The following MTHFD1 variants were observed in gnomAD, a reference collection of about 807,000 sequenced individuals.
The protein encoded by MTHFD1 is C-1-tetrahydrofolate synthase, cytoplasmic.
In MTHFD1, 44 loss-of-function variants were observed where a neutral mutation model predicts 110.3. The observed-to-expected ratio is 0.40, with a 90% CI of 0.31 to 0.51. The LOEUF (loss-of-function observed/expected upper bound fraction) is 0.51. Ranked by LOEUF, MTHFD1 falls within the 20% of genes least tolerant of loss-of-function variation. The pLI, the probability that MTHFD1 is intolerant of heterozygous loss-of-function variation, is 0.60. For missense variants in MTHFD1, 909 were observed against 1,173.1 expected (o/e 0.77, Z 3.29); for synonymous variants, 402 against 428.8 (o/e 0.94, Z 0.77).
intron 24 of MTHFD1, among the ~76,000 whole-genome samples, chr14:64,452,613 G>A (rs1411578930): frequency 3.6e-4 from 55 of 152,326 alleles, no homozygotes; most frequent in Non-Finnish European, 1.5e-5. Context: ...CACAGAAAGT[G>A]GACATGCCCA....
chr14:64,431,473 T>A (rs2078159694), intron 13 of MTHFD1, 59 bp from the exon 14 acceptor site: 2 of 1,429,816 alleles, frequency 1.4e-6, no homozygotes, highest in Non-Finnish European at 2.0e-6. Context: ...TGCAATAGAA[T>A]GAAAGTTGGA....
intron 15 of MTHFD1, among the ~76,000 whole-genome samples, chr14:64,433,911 C>T (rs1364856959): frequency 6.6e-6 from 1 of 151,750 alleles, no homozygotes; most frequent in African/African-American, 2.4e-5. Flanking sequence ...ACGCCTGTAG[C>T]CCCAGCTACT....
chr14:64,401,164 T>C (rs2077893356), intron 2 of MTHFD1, among the ~76,000 whole-genome samples: 1 of 152,066 alleles, frequency 6.6e-6, no homozygotes, highest in South Asian at 2.1e-4. Flanking sequence ...ATGTATTTAT[T>C]TATTTATTTA....
rs78635067 is a variant in MTHFD1, at chr14:64,395,098, A to G, written c.42-5695A>G. Among the ~76,000 whole-genome samples, 530 of 152,350 alleles carry G rather than the reference A, an allele frequency of 3.5e-3. 1 individual carries two copies. The Middle Eastern group carries it at 0.041, about 12-fold the overall frequency. Reference sequence around the variant, plus strand: ...GGCATCAACTCTCCTTTGTTGACATATAGTTAAGCACCGCTTCTTACAGAT... The same window carrying G: ...GGCATCAACTCTCCTTTGTTGACATGTAGTTAAGCACCGCTTCTTACAGAT... On this transcript the variant is annotated intron_variant, in intron 1 of 27. Transcript: ENST00000652337.
Position 64,427,392 on chromosome 14 carries a change from C to T in MTHFD1, c.1183C>T (p.Gln395Ter), listed in dbSNP as rs771688627. The change falls in exon 12 of 28, where the codon CAA (glutamine) becomes TAA (stop). Residue 395 changes from glutamine to a stop codon, truncating the protein, a stop_gained. Coordinates refer to ENST00000652337, the MANE Select transcript of MTHFD1 (RefSeq NM_005956.4). LOFTEE classifies it high-confidence loss of function. ...AAGCACAACTACAATCGGGCTAGTG[C>T]AAGCCCTTGGTGCCCATCTCTACCA... ...GKSTTTIGLV[Q>*]ALGAHLYQNV... 1 of 1,614,188 alleles carries T rather than the reference C, an allele frequency of 6.2e-7. No homozygotes were observed. Among genetic ancestry groups the T allele is most frequent in the Non-Finnish European group, 8.5e-7 (1 of 1,180,016 alleles).
Position 64,413,555 on chromosome 14 carries a change from A to G in MTHFD1, c.240+1030A>G, listed in dbSNP as rs1032691705. Among the ~76,000 whole-genome samples, 3 of 152,338 alleles carry G rather than the reference A, an allele frequency of 2.0e-5. No individual in the cohort carries two copies. In the East Asian group the frequency reaches 5.8e-4, roughly 29 times the overall value. ...TTTCTTGAGGTTATGGCAATGTTCC[A>G]TATATGCGCTGTCCAGTATGGGAGC... On this transcript the variant is annotated intron_variant, in intron 4 of 27. Transcript: ENST00000652337.
At chr14:64,449,137 T>C (rs2078331165) in intron 23 of MTHFD1, 1 of 421,216 alleles carries the variant, frequency 2.4e-6, no homozygotes, top group Admixed American at 3.5e-5. Context: ...TGATTCCTTC[T>C]GGAGTGCTGG....
chr14:64,452,550 C>CTAA (rs1183156929), intron 24 of MTHFD1, among the ~76,000 whole-genome samples: 2 of 152,206 alleles, frequency 1.3e-5, no homozygotes, highest in African/African-American at 4.8e-5. Flanking sequence ...GGACTGAGGC[C>CTAA]CTCACCAGTT....
At chr14:64,435,850 T>C (rs1371969693) in intron 16 of MTHFD1, among the ~76,000 whole-genome samples, 179 bp downstream of exon 16, 1 of 152,214 alleles carries the variant, frequency 6.6e-6, no homozygotes, top group African/African-American at 2.4e-5. Flanking sequence ...TATCTCTCCT[T>C]ATTAGCTATC....
chr14:64,442,542 A>ACAAGG, intron 21 of MTHFD1, 140 bp downstream of exon 21: 3 of 905,632 alleles, frequency 3.3e-6, no homozygotes, highest in Non-Finnish European at 5.1e-6. Context: ...ACGGGCAGAC[A>ACAAGG]GCCCTTGTGT....
In MTHFD1 at chr14:64,453,837, C is replaced by T. The variant is rs1025008407; in HGVS notation, c.2541C>T (p.His847=). 5 of 1,609,574 alleles carry T rather than the reference C, an allele frequency of 3.1e-6. No homozygotes were observed. Among genetic ancestry groups the T allele is most frequent in the Non-Finnish European group, 4.3e-6 (5 of 1,175,960 alleles). ...DDIELLPEAQ[H]KAEVYTKQGF... ...TTGAATTACTTCCCGAAGCTCAACA[C>T]AAAGCTGAAGTCTACACGAAGCAGG... The change falls in exon 25 of 28, where the codon CAC becomes CAT. Residue 847 remains histidine (H), a synonymous_variant. Transcript: ENST00000652337.
At chr14:64,405,998 T>C (rs897583295) in intron 2 of MTHFD1, among the ~76,000 whole-genome samples, 16 of 149,352 alleles carry the variant, frequency 1.1e-4, no homozygotes, top group Admixed American at 9.4e-4. Context: ...ATTTTATATA[T>C]ATGTGTGTGT....
At position 64,441,768 on chromosome 14, in the gene MTHFD1, A is replaced by G. The variant is rs978720291; in HGVS notation, c.1885-286A>G. ...CAGTGAGCCGAGATCACGCCACTGCACTCCAGACTGGGCGACAGAGCGAGA... is the reference window on the plus strand; with the variant it reads ...CAGTGAGCCGAGATCACGCCACTGCGCTCCAGACTGGGCGACAGAGCGAGA... On this transcript the variant is annotated intron_variant, in intron 19 of 27. Transcript: ENST00000652337. 1.3e-5 allele frequency: 7 copies of G among 559,002 alleles called. No homozygotes were observed. The Admixed American group carries it at 2.1e-4, about 17-fold the overall frequency. 34.6% of individuals were successfully genotyped at this position (559,002 alleles called of 1,614,324 possible). A position where few individuals can be genotyped will look rare whatever the true frequency, so the allele number is the denominator to read the frequency against.
At chr14:64,439,864 A>C (rs2078234033) in intron 17 of MTHFD1, among the ~76,000 whole-genome samples, 1 of 147,100 alleles carries the variant, frequency 6.8e-6, no homozygotes, top group Non-Finnish European at 1.5e-5. Context: ...ACTGCACTCC[A>C]GCCTGGGCAA....
intron 3 of MTHFD1, among the ~76,000 whole-genome samples, chr14:64,412,126 CA>C: frequency 6.6e-6 from 1 of 152,054 alleles, no homozygotes; most frequent in East Asian, 1.9e-4. Context: ...ATGGGGGAGG[CA>C]TGTAGCTTTT....
In MTHFD1 at chr14:64,459,960, T is replaced by C. The variant is rs2078535397; in HGVS notation, c.*206T>C. ...AATTAACATAAATCATGCATGTCTG[T>C]TTACTTTAGTGACGTTCCACAGAAT... On this transcript the variant is annotated 3_prime_UTR_variant, in exon 28 of 28. Transcript: ENST00000652337. The C allele has an allele frequency of 2.0e-6, 3 of 1,513,668 alleles. No homozygotes were observed. The highest frequency in any genetic ancestry group is 2.7e-6 in the Non-Finnish European group (3 of 1,127,898). The allele number at this position is 1,513,668 out of a possible 1,614,324, so 93.8% of individuals were successfully genotyped here. A position where few individuals can be genotyped will look rare whatever the true frequency, so the allele number is the denominator to read the frequency against.
chr14:64,414,453 G>A (rs1418677685), intron 4 of MTHFD1, among the ~76,000 whole-genome samples: 5 of 151,898 alleles, frequency 3.3e-5, no homozygotes, highest in African/African-American at 4.8e-5. Flanking sequence ...CACTATGCCC[G>A]GCTTATTTTT....
chr14:64,422,453 A>C (rs2078081974), intron 8 of MTHFD1, among the ~76,000 whole-genome samples: 1 of 152,200 alleles, frequency 6.6e-6, no homozygotes, highest in Non-Finnish European at 1.5e-5. Flanking sequence ...TTTACAAAGA[A>C]GTAATATTTT....
At chr14:64,430,126 T>C in intron 12 of MTHFD1, 58 bp from the exon 13 acceptor site, 1 of 1,438,220 alleles carries the variant, frequency 7.0e-7, no homozygotes, top group South Asian at 1.1e-5. Flanking sequence ...TTTATTTGAT[T>C]TCTAAGTCAT....
Sources: allele counts gnomAD v4.1 joint callset (sites outside exome capture counted in the v4.1 genomes callset), GRCh38; gene constraint gnomAD v4.1.1; transcripts MANE v1.5; gene names NCBI Gene and HGNC (gene_info 2026-07-23, HGNC 2026-07-21).